TTC34: variants seen among roughly 807,000 people sequenced by gnomAD.
TTC34 encodes the protein tetratricopeptide repeat protein 34.
In TTC34, 44 loss-of-function variants were observed where a neutral mutation model predicts 40.7. That is an observed-to-expected ratio of 1.08 (90% CI 0.85 to 1.39). TTC34 has a LOEUF of 1.39. Ranked by LOEUF, TTC34 falls within the 40% of genes most tolerant of loss-of-function variation. TTC34 has a pLI of 0.00. For missense variants in TTC34, 884 were observed against 838.0 expected (o/e 1.05, Z -0.68); for synonymous variants, 422 against 398.6 (o/e 1.06, Z -0.70).
chr1:2,769,871 A>C (rs1642010475), intron 6 of TTC34, among the ~76,000 whole-genome samples: 4 of 64,696 alleles, frequency 6.2e-5, no homozygotes, highest in Non-Finnish European at 1.1e-4. Context: ...CAGCACCCAC[A>C]CCCCCAGTTG....
chr1:2,801,119 C>G (rs1049646793), intron 1 of TTC34, among the ~76,000 whole-genome samples: 2 of 152,190 alleles, frequency 1.3e-5, no homozygotes, highest in Admixed American at 6.5e-5. Flanking sequence ...GGACAGTGGC[C>G]TCCCCCAGCT....
chr1:2,748,059 A>T (rs1468231634), intron 6 of TTC34, among the ~76,000 whole-genome samples: 1 of 51,446 alleles, frequency 1.9e-5, no homozygotes, highest in Non-Finnish European at 3.2e-5. Flanking sequence ...AGCATCCGAC[A>T]GCCTGGAGCA....
chr1:2,652,445 C>T (rs77623181), intron 6 of TTC34, among the ~76,000 whole-genome samples: 2 of 26,506 alleles, frequency 7.5e-5, no homozygotes. Flanking sequence ...GCACCCACAC[C>T]CCCAGGTGAG....
At chr1:2,699,995 C>G (rs567504627) in intron 6 of TTC34, among the ~76,000 whole-genome samples, 1 of 111,668 alleles carries the variant, frequency 9.0e-6, no homozygotes, top group African/African-American at 2.8e-5. Flanking sequence ...ATCTGACAGC[C>G]TGGAGCAGCG....
chr1:2,751,884 C>A (rs1181579644), intron 6 of TTC34, among the ~76,000 whole-genome samples: 1 of 117,488 alleles, frequency 8.5e-6, no homozygotes, highest in Non-Finnish European at 1.7e-5. Flanking sequence ...GGAGCAGCAC[C>A]CACACCCCCA....
chr1:2,654,599 A>T, intron 6 of TTC34, among the ~76,000 whole-genome samples: 2 of 152,018 alleles, frequency 1.3e-5, no homozygotes, highest in African/African-American at 4.8e-5. Context: ...GACATCCTGA[A>T]ACAGCTCCCA....
At chr1:2,700,349 G>A (rs1045434145) in intron 6 of TTC34, among the ~76,000 whole-genome samples, 2 of 115,096 alleles carry the variant, frequency 1.7e-5, no homozygotes, top group African/African-American at 2.8e-5. Context: ...GTGAGCATCC[G>A]ACAGCCTGGA....
exon 9 of TTC34, chr1:2,640,713 G>A (rs1217752491): frequency 6.6e-6 from 1 of 152,092 alleles, no homozygotes; most frequent in Non-Finnish European, 1.5e-5. Flanking sequence ...TCACACCCAG[G>A]GAGGGGCTTC....
At chr1:2,762,090 A>G (rs1284747071) in intron 6 of TTC34, among the ~76,000 whole-genome samples, 1 of 13,112 alleles carries the variant, frequency 7.6e-5, no homozygotes, top group Non-Finnish European at 1.2e-4. Context: ...AGCACACACA[A>G]CCCCAGGCGA....
At chr1:2,700,373 C>G (rs1162602024) in intron 6 of TTC34, among the ~76,000 whole-genome samples, 1 of 116,484 alleles carries the variant, frequency 8.6e-6, no homozygotes, top group African/African-American at 2.7e-5. Flanking sequence ...GCGCCCACAA[C>G]CCCAGGTGAG....
Position 2,787,463 on chromosome 1 carries a change from C to G in TTC34, c.1854+18G>C, listed in dbSNP as rs921971612. ...GCCCATTTCCACCTGCCCTCTGTCA[C>G]CCCCCAGGCCTCCTCACCTGGTTGG... On this transcript the variant is annotated intron_variant, in intron 4 of 8. Transcript: ENST00000401095. 1 of 1,449,878 alleles carries G rather than the reference C, an allele frequency of 6.9e-7. No individual in the cohort carries two copies. Among genetic ancestry groups the G allele is most frequent in the South Asian group, 1.4e-5 (1 of 70,118 alleles). 89.8% of individuals were successfully genotyped at this position (1,449,878 alleles called of 1,614,324 possible). A position where few individuals can be genotyped will look rare whatever the true frequency, so the allele number is the denominator to read the frequency against.
At chr1:2,786,017 T>C in exon 5 of TTC34, 1 of 1,466,626 alleles carries the variant, frequency 6.8e-7, no homozygotes. Flanking sequence ...ACCAGCTTCT[T>C]CACCAACTGC....
At chr1:2,676,884 A>C (rs1332445946) in intron 6 of TTC34, among the ~76,000 whole-genome samples, 2 of 92,710 alleles carry the variant, frequency 2.2e-5, no homozygotes, top group Non-Finnish European at 2.3e-5. Flanking sequence ...GCCGCACCCC[A>C]CACCCACAGG....
chr1:2,783,117 G>A (rs1171939380), intron 6 of TTC34, among the ~76,000 whole-genome samples: 1 of 152,162 alleles, frequency 6.6e-6, no homozygotes. Context: ...AACTTAAAGA[G>A]CAGGTAAATG....
At chr1:2,687,448 A>C (rs200919799) in intron 6 of TTC34, among the ~76,000 whole-genome samples, 25 of 88,534 alleles carry the variant, frequency 2.8e-4, no homozygotes, top group African/African-American at 8.9e-4. Flanking sequence ...ACCCACAACC[A>C]CAGGTGAGCA....
intron 8 of TTC34, 138 bp downstream of exon 8, chr1:2,644,126 C>CT: frequency 1.1e-6 from 1 of 922,070 alleles, no homozygotes; most frequent in African/African-American, 1.7e-5. Flanking sequence ...TGGGTGCCTC[C>CT]CACCCCACCC....
intron 6 of TTC34, among the ~76,000 whole-genome samples, chr1:2,675,087 G>A (rs1452194090): frequency 2.4e-5 from 3 of 126,700 alleles, no homozygotes; most frequent in South Asian, 5.2e-4. Context: ...ACACACCCAG[G>A]CGAGCATCTG....
chr1:2,798,736 CCCCAGCCT>C (rs1288022196), intron 2 of TTC34, among the ~76,000 whole-genome samples: 1 of 121,052 alleles, frequency 8.3e-6, no homozygotes, highest in African/African-American at 3.2e-5. Flanking sequence ...CCCCTCAGCC[CCCCAGCCT>C]CCCAGCCTCC....
chr1:2,767,441 C>A (rs1390791181), intron 6 of TTC34, among the ~76,000 whole-genome samples: 3 of 146,926 alleles, frequency 2.0e-5, no homozygotes, highest in Non-Finnish European at 3.0e-5. Context: ...GGCATCCTCA[C>A]CTCCAGGTGA....
Sources: allele counts gnomAD v4.1 joint callset (sites outside exome capture counted in the v4.1 genomes callset), GRCh38; gene constraint gnomAD v4.1.1; transcripts MANE v1.5; gene names NCBI Gene and HGNC (gene_info 2026-07-23, HGNC 2026-07-21).